The following CRYBG1 variants were observed in gnomAD, a reference collection of about 807,000 sequenced individuals.
CRYBG1 encodes beta/gamma crystallin domain-containing protein 1.
Under a neutral mutation model 189.2 loss-of-function variants are expected in CRYBG1, and 139 were observed. The observed-to-expected ratio is 0.73, with a 90% CI of 0.64 to 0.85. CRYBG1 has a LOEUF of 0.85. Among genes scored for constraint, CRYBG1 ranks in the 40% least tolerant of loss-of-function variants. The pLI is 0.00. For synonymous variants in CRYBG1, 1,023 were observed against 1,017.1 expected, an observed-to-expected ratio of 1.01 and a Z score of -0.11; for missense variants, 2,611 against 2,675.8, an observed-to-expected ratio of 0.98 and a Z score of 0.53.
chr6:106,434,903 T>C (rs1377826877), intron 1 of CRYBG1, among the ~76,000 whole-genome samples: 10 of 152,242 alleles, frequency 6.6e-5, no homozygotes, highest in African/African-American at 2.4e-4. Context: ...CCAGTTTCAG[T>C]TTATGGATTT....
chr6:106,538,937 T>C (rs1379318542), intron 8 of CRYBG1, among the ~76,000 whole-genome samples: 3 of 151,984 alleles, frequency 2.0e-5, no homozygotes, highest in Admixed American at 1.3e-4. Context: ...GGAATCGGCT[T>C]GAATCATTCC....
intron 16 of CRYBG1, 102 bp from the exon 17 acceptor site, chr6:106,555,665 AT>A: frequency 7.4e-7 from 1 of 1,345,402 alleles, no homozygotes. Context: ...TGCCAGAAGC[AT>A]TGTGTTTATT....
intron 2 of CRYBG1, among the ~76,000 whole-genome samples, chr6:106,482,697 C>T (rs1437912010): frequency 6.6e-6 from 1 of 152,056 alleles, no homozygotes; most frequent in Non-Finnish European, 1.5e-5. Context: ...ATGGCATGAA[C>T]CGGGGAGACA....
chr6:106,368,234 A>T (rs1769934987), intron 1 of CRYBG1, among the ~76,000 whole-genome samples: 1 of 152,150 alleles, frequency 6.6e-6, no homozygotes, highest in South Asian at 2.1e-4. Context: ...CCTGGTCAAC[A>T]TAGCGAGATC....
intron 1 of CRYBG1, among the ~76,000 whole-genome samples, chr6:106,432,657 A>AAAT (rs1771352540): frequency 6.6e-6 from 1 of 152,182 alleles, no homozygotes; most frequent in Admixed American, 6.5e-5. Flanking sequence ...AGGTGCAAAA[A>AAAT]AATGGAGTTC....
intron 8 of CRYBG1, among the ~76,000 whole-genome samples, chr6:106,533,991 A>T (rs1773933661): frequency 6.6e-6 from 1 of 152,206 alleles, no homozygotes; most frequent in Non-Finnish European, 1.5e-5. Flanking sequence ...ACTGGGAAGA[A>T]AAGTGGGAAT....
At chr6:106,463,135 TAGAG>T (rs150142921) in intron 2 of CRYBG1, among the ~76,000 whole-genome samples, 11,617 of 152,014 alleles carry the variant, frequency 0.076, 702 homozygotes, top group East Asian at 0.24. Context: ...GCCTGGGTGA[TAGAG>T]AAAGACCCTG....
Position 106,511,540 on chromosome 6 carries a change from C to T in CRYBG1, c.423C>T (p.Pro141=). ...RRNSRNGLES[P]TRSNAKPLSP... ...ACAGTAGAAACGGGTTAGAGAGTCC[C>T]ACCAGATCAAATGCCAAACCACTCT... The change falls in exon 3 of 22, where the codon CCC becomes CCT. Residue 141 remains proline, a synonymous_variant. Coordinates refer to ENST00000633556, the MANE Select transcript of CRYBG1 (RefSeq NM_001371242.2). The T allele has an allele frequency of 6.5e-7, 1 of 1,535,768 alleles. No homozygotes were observed. The highest frequency in any genetic ancestry group is 8.7e-7 in the Non-Finnish European group (1 of 1,146,626).
chr6:106,535,725 A>AAATACCCC (rs1358260962), intron 8 of CRYBG1, among the ~76,000 whole-genome samples: 1 of 151,652 alleles, frequency 6.6e-6, no homozygotes, highest in Non-Finnish European at 1.5e-5. Flanking sequence ...AAGATCTCTA[A>AAATACCCC]AATACCCCAT....
intron 2 of CRYBG1, among the ~76,000 whole-genome samples, chr6:106,474,717 C>G (rs1183468243): frequency 6.6e-6 from 1 of 152,030 alleles, no homozygotes; most frequent in Admixed American, 6.6e-5. Flanking sequence ...CTTGGATGTG[C>G]AAGCTGAGTT....
At chr6:106,530,392 ACT>A in intron 8 of CRYBG1, 77 bp downstream of exon 8, 1 of 1,339,936 alleles carries the variant, frequency 7.5e-7, no homozygotes, top group African/African-American at 1.5e-5. Context: ...GACTTAAGAT[ACT>A]CTGACTCTAA....
At chr6:106,419,750 TG>T (rs1331096123) in intron 1 of CRYBG1, among the ~76,000 whole-genome samples, 37 of 152,302 alleles carry the variant, frequency 2.4e-4, no homozygotes, top group Admixed American at 2.2e-3. Context: ...TGTTCTATTA[TG>T]CCACTCACTC....
chr6:106,458,319 C>T (rs970102511), intron 2 of CRYBG1, among the ~76,000 whole-genome samples: 1 of 152,198 alleles, frequency 6.6e-6, no homozygotes, highest in African/African-American at 2.4e-5. Context: ...TTTCCCATGC[C>T]TACAAAGTTT....
intron 2 of CRYBG1, among the ~76,000 whole-genome samples, chr6:106,456,370 C>T (rs1488454075): frequency 6.6e-6 from 1 of 151,300 alleles, no homozygotes; most frequent in African/African-American, 2.4e-5. Context: ...CCATATTGGC[C>T]AGGCTGGTCT....
At chr6:106,471,521 G>A (rs547078812) in intron 2 of CRYBG1, among the ~76,000 whole-genome samples, 2 of 152,240 alleles carry the variant, frequency 1.3e-5, no homozygotes, top group East Asian at 1.9e-4. Flanking sequence ...AAGCCTTTCT[G>A]TATCAGATGG....
chr6:106,549,436 A>C (rs1774348336), intron 13 of CRYBG1, among the ~76,000 whole-genome samples: 1 of 152,140 alleles, frequency 6.6e-6, no homozygotes. Flanking sequence ...CTCACCTCTC[A>C]GTGATAAAGG....
Position 106,551,991 on chromosome 6 carries a change from A to G in CRYBG1, c.5439+13A>G, listed in dbSNP as rs201536872. On this transcript the variant is annotated intron_variant, in intron 14 of 21. Transcript: ENST00000633556. The stretch of plus-strand genomic sequence containing the variant: ...ACCTATATGTTTGGTAAGGAGTTAT[A>G]TTTTTGTATGAGAATATTTAACTGA... 6.3e-7 allele frequency: 1 copy of G among 1,589,346 alleles called. No individual in the cohort carries two copies. The highest frequency in any genetic ancestry group is 8.6e-7 in the Non-Finnish European group (1 of 1,168,780).
At chr6:106,500,434 A>T (rs1772979678) in intron 2 of CRYBG1, among the ~76,000 whole-genome samples, 1 of 31,384 alleles carries the variant, frequency 3.2e-5, no homozygotes, top group Non-Finnish European at 5.4e-5. Context: ...AAAAAAAAAC[A>T]AAAAAAAAAA....
At chr6:106,430,096 G>A (rs181787541) in intron 1 of CRYBG1, among the ~76,000 whole-genome samples, 1 of 152,228 alleles carries the variant, frequency 6.6e-6, no homozygotes, top group East Asian at 1.9e-4. Context: ...TTCTATGGAT[G>A]ATTTTCATAA....
Sources: gnomAD v4.1 joint callset for allele counts (sites outside exome capture counted in the v4.1 genomes callset) on GRCh38, gnomAD v4.1.1 for gene constraint, MANE v1.5 for transcripts, NCBI Gene and HGNC (gene_info 2026-07-23, HGNC 2026-07-21) for gene names.